CTNNA3: variants seen among roughly 807,000 people sequenced by gnomAD.
CTNNA3 encodes the protein catenin alpha-3.
In CTNNA3, 76 loss-of-function variants were observed where a neutral mutation model predicts 95.7. That is an observed-to-expected ratio of 0.79 (90% CI 0.66 to 0.96). CTNNA3 has a LOEUF of 0.96. CTNNA3 is among the 40% of genes least tolerant of loss of function. The probability of loss-of-function intolerance (pLI) is 0.00; values close to 1 mark genes in which losing one functional copy is unlikely to be tolerated. For synonymous variants in CTNNA3, 431 were observed against 374.4 expected (o/e 1.15, Z -1.74); for missense variants, 1,191 against 1,089.8 (o/e 1.09, Z -1.31).
intron 11 of CTNNA3, among the ~76,000 whole-genome samples, chr10:66,456,290 G>C (rs778565035): frequency 7.9e-5 from 12 of 152,144 alleles, no homozygotes; most frequent in Non-Finnish European, 1.2e-4. Context: ...AAAATTTACT[G>C]TAAAGCTACT....
At chr10:67,644,353 T>C (rs751880252) in intron 2 of CTNNA3, among the ~76,000 whole-genome samples, 2 of 152,226 alleles carry the variant, frequency 1.3e-5, no homozygotes, top group Non-Finnish European at 2.9e-5. Flanking sequence ...TGTCTGTTCC[T>C]ATCCTTCGTC....
intron 7 of CTNNA3, among the ~76,000 whole-genome samples, chr10:66,974,105 C>T (rs1038551147): frequency 2.0e-5 from 3 of 152,108 alleles, no homozygotes; most frequent in Non-Finnish European, 2.9e-5. Context: ...TCTTCTTATG[C>T]CCTACCAGAT....
In CTNNA3 at chr10:66,560,869, C is replaced by G. The variant is rs116341987; in HGVS notation, c.1375-40096G>C. Among the ~76,000 whole-genome samples, 193 of 152,092 alleles carry G rather than the reference C, an allele frequency of 1.3e-3. 1 individual carries two copies. Among genetic ancestry groups the G allele is most frequent in the African/African-American group, 4.3e-3 (177 of 41,522 alleles). Reference sequence around the variant, plus strand: ...TCTCTCTCTCCCTCTCTCTCTGACTCTCTTTTCTCGGCCATGTGAGAAACT... The same window carrying G: ...TCTCTCTCTCCCTCTCTCTCTGACTGTCTTTTCTCGGCCATGTGAGAAACT... On this transcript the variant is annotated intron_variant, in intron 10 of 17. Transcript: ENST00000433211.
chr10:66,011,946 C>T (rs1174276395), intron 15 of CTNNA3, among the ~76,000 whole-genome samples: 1 of 152,184 alleles, frequency 6.6e-6, no homozygotes, highest in Non-Finnish European at 1.5e-5. Flanking sequence ...TGGGGCCCTG[C>T]TGTCTGCAAC....
chr10:66,366,772 T>C (rs2092713698), intron 12 of CTNNA3, among the ~76,000 whole-genome samples: 1 of 152,038 alleles, frequency 6.6e-6, no homozygotes, highest in South Asian at 2.1e-4. Flanking sequence ...TTTTAAAAAG[T>C]AAATAAAAAC....
chr10:67,724,995 ATTC>A (rs1841200597), intron 1 of CTNNA3, among the ~76,000 whole-genome samples: 1 of 152,032 alleles, frequency 6.6e-6, no homozygotes, highest in Non-Finnish European at 1.5e-5. Context: ...ACACAAAAAT[ATTC>A]TTGTTAAAAT....
intron 6 of CTNNA3, among the ~76,000 whole-genome samples, chr10:67,214,306 T>G (rs1186223754): frequency 1.3e-5 from 2 of 151,756 alleles, no homozygotes; most frequent in African/African-American, 4.8e-5. Context: ...CTACACATTT[T>G]TAGTAGTTAC....
intron 5 of CTNNA3, among the ~76,000 whole-genome samples, chr10:67,425,092 T>C (rs527378783): frequency 1.3e-5 from 2 of 152,228 alleles, no homozygotes; most frequent in East Asian, 3.9e-4. Flanking sequence ...AAATTACATG[T>C]AATAAAAGTT....
In CTNNA3 at chr10:66,449,914, A is replaced by T. The variant is rs530489106; in HGVS notation, c.1532-70562T>A. Among the ~76,000 whole-genome samples, 11 of 152,268 alleles carry T rather than the reference A, an allele frequency of 7.2e-5. No individual in the cohort carries two copies. The South Asian group carries it at 1.9e-3, about 26-fold the overall frequency. On this transcript the variant is annotated intron_variant, in intron 11 of 17. Transcript: ENST00000433211. ...ACTTCAAAATGGGTTTCATTTATCA[A>T]TAGAACATAATATTGGCTTTGATTT...
At chr10:67,046,683 T>C (rs1343252528) in intron 7 of CTNNA3, among the ~76,000 whole-genome samples, 3 of 152,202 alleles carry the variant, frequency 2.0e-5, no homozygotes, top group South Asian at 4.1e-4. Flanking sequence ...ATACTATACA[T>C]TGGCACAGGA....
intron 6 of CTNNA3, among the ~76,000 whole-genome samples, chr10:67,191,657 T>C (rs1271975570): frequency 6.6e-6 from 1 of 151,864 alleles, no homozygotes. Context: ...ATTAGTACTG[T>C]TAAATGTCTA....
In CTNNA3 at chr10:66,983,294, A is replaced by T. The variant is rs1273283918; in HGVS notation, c.1047+197023T>A. The stretch of plus-strand genomic sequence containing the variant: ...TTCCTCATCTCAGCATCAGCAAAGA[A>T]TCAGGAGCTGGCATAAGACCCTGGT... On this transcript the variant is annotated intron_variant, in intron 7 of 17. Transcript: ENST00000433211. Among the ~76,000 whole-genome samples, 4 of 152,228 alleles carry T rather than the reference A, an allele frequency of 2.6e-5. No individual in the cohort carries two copies. The East Asian group carries it at 5.8e-4, about 22-fold the overall frequency.
At chr10:66,220,250 A>G (rs1191473534) in intron 13 of CTNNA3, among the ~76,000 whole-genome samples, 5 of 152,342 alleles carry the variant, frequency 3.3e-5, no homozygotes, top group Admixed American at 1.3e-4. Flanking sequence ...TTAGATGCTC[A>G]GAATTATTGT....
intron 5 of CTNNA3, among the ~76,000 whole-genome samples, chr10:67,509,175 C>T (rs1288851427): frequency 6.6e-6 from 1 of 151,372 alleles, no homozygotes; most frequent in Non-Finnish European, 1.5e-5. Context: ...TGTGCCCGAA[C>T]TAAATAGACA....
At chr10:66,400,744 G>C (rs1451715523) in intron 11 of CTNNA3, among the ~76,000 whole-genome samples, 1 of 152,010 alleles carries the variant, frequency 6.6e-6, no homozygotes, top group Non-Finnish European at 1.5e-5. Context: ...TAGATAGATA[G>C]CTATATCTAT....
intron 13 of CTNNA3, among the ~76,000 whole-genome samples, chr10:66,194,340 G>A (rs1269091268): frequency 2.0e-5 from 3 of 152,146 alleles, no homozygotes; most frequent in Non-Finnish European, 4.4e-5. Context: ...AGCACTTTGG[G>A]CGGCCGAGGC....
chr10:65,931,563 C>A (rs927871293), intron 17 of CTNNA3, among the ~76,000 whole-genome samples: 1 of 152,068 alleles, frequency 6.6e-6, no homozygotes, highest in Admixed American at 6.6e-5. Context: ...TAAAAATGCA[C>A]CCTGAGGAAA....
chr10:67,381,917 C>G (rs1051443557), intron 5 of CTNNA3, among the ~76,000 whole-genome samples: 1 of 152,100 alleles, frequency 6.6e-6, no homozygotes, highest in African/African-American at 2.4e-5. Context: ...ATATCACTAT[C>G]CAGCTCTGAG....
intron 9 of CTNNA3, among the ~76,000 whole-genome samples, chr10:66,747,828 C>A (rs970907660): frequency 1.3e-5 from 2 of 152,054 alleles, no homozygotes; most frequent in African/African-American, 4.8e-5. Flanking sequence ...CTGGGTGATC[C>A]CTATGCTTTT....
Sources: gnomAD v4.1 joint callset for allele counts (sites outside exome capture counted in the v4.1 genomes callset) on GRCh38, gnomAD v4.1.1 for gene constraint, MANE v1.5 for transcripts, NCBI Gene and HGNC (gene_info 2026-07-23, HGNC 2026-07-21) for gene names.